GRB2: variants seen among roughly 807,000 people sequenced by gnomAD.
The protein encoded by GRB2 is growth factor receptor-bound protein 2.
A neutral mutation model predicts 27.4 loss-of-function variants in GRB2; 2 were observed. The ratio of observed to expected loss-of-function variants is 0.07; its 90% confidence interval spans 0.03 to 0.23. The LOEUF is 0.23. Among genes scored for constraint, GRB2 ranks in the 10% least tolerant of loss-of-function variants. The probability of loss-of-function intolerance (pLI) is 1.00; values close to 1 mark genes in which losing one functional copy is unlikely to be tolerated. For missense variants in GRB2, 102 were observed against 282.4 expected (o/e 0.36, Z 4.58); for synonymous variants, 94 against 99.6 (o/e 0.94, Z 0.33).
chr17:75,357,293 T>C (rs1427579329), intron 2 of GRB2, among the ~76,000 whole-genome samples: 1 of 152,204 alleles, frequency 6.6e-6, no homozygotes, highest in East Asian at 1.9e-4. Flanking sequence ...AGGTATAATG[T>C]GGTGTCCTGG....
At position 75,325,960 on chromosome 17, in the gene GRB2, G is replaced by A. The variant is rs2229610; in HGVS notation, c.237C>T (p.His79=). The A allele has an allele frequency of 1.9e-3, 3,100 of 1,614,012 alleles. 56 individuals are homozygous for A. The African/African-American group carries it at 0.034, about 18-fold the overall frequency. ...TCTCTCGGATAAGAAAGGCCCCATC[G>A]TGCCGCTGTTTGCTAAGCATTTCTT... ...KAEEMLSKQR[H]DGAFLIRESE... is the part of the protein sequence containing the mutation. The change falls in exon 4 of 6, where the codon CAC becomes CAT. Residue 79 remains histidine, a synonymous_variant. Coordinates refer to ENST00000316804, the MANE Select transcript of GRB2 (RefSeq NM_002086.5).
intron 2 of GRB2, among the ~76,000 whole-genome samples, chr17:75,346,579 T>C (rs1292368891): frequency 0.011 from 136 of 12,112 alleles, no homozygotes; most frequent in Non-Finnish European, 0.021. Context: ...TTTTCTTGCC[T>C]TTTTTTTTTT....
intron 2 of GRB2, among the ~76,000 whole-genome samples, chr17:75,374,713 G>A (rs184882043): frequency 6.6e-6 from 1 of 152,060 alleles, no homozygotes; most frequent in East Asian, 1.9e-4. Context: ...CTGGAGCCCA[G>A]GAGATTGAGG....
chr17:75,369,855 C>A (rs375192190), intron 2 of GRB2, among the ~76,000 whole-genome samples: 67 of 144,656 alleles, frequency 4.6e-4, no homozygotes, highest in Admixed American at 6.2e-4. Flanking sequence ...GACTCCGTCT[C>A]AAAAAAAAAA....
chr17:75,379,914 T>C (rs1015913349), intron 2 of GRB2, among the ~76,000 whole-genome samples: 3 of 152,228 alleles, frequency 2.0e-5, no homozygotes, highest in African/African-American at 7.2e-5. Flanking sequence ...TTTAATGCAG[T>C]GTGGAGACTG....
At chr17:75,381,344 G>A (rs2078926239) in intron 2 of GRB2, among the ~76,000 whole-genome samples, 1 of 152,098 alleles carries the variant, frequency 6.6e-6, no homozygotes, top group Non-Finnish European at 1.5e-5. Context: ...TAATTTAAAT[G>A]TTACAGTGAA....
intron 1 of GRB2, among the ~76,000 whole-genome samples, chr17:75,403,550 A>G (rs529483792): frequency 2.2e-4 from 34 of 152,038 alleles, no homozygotes; most frequent in Admixed American, 1.8e-3. Flanking sequence ...AGATCACTTG[A>G]GGTCAGGAAT....
At chr17:75,350,046 C>CAAAA (rs397934291) in intron 2 of GRB2, among the ~76,000 whole-genome samples, 1 of 144,182 alleles carries the variant, frequency 6.9e-6, no homozygotes. Flanking sequence ...ATAAAACAAC[C>CAAAA]AAAAAAAAAA....
At position 75,321,774 on chromosome 17, in the gene GRB2, T is replaced by A. The variant is rs1287646174; in HGVS notation, c.353A>T (p.Tyr118Phe). The A allele has an allele frequency of 6.2e-7, 1 of 1,614,148 alleles. No homozygotes were observed. The highest frequency in any genetic ancestry group is 1.7e-5 in the Admixed American group (1 of 60,022). The change falls in exon 5 of 6, where the codon TAC (tyrosine) becomes TTC (phenylalanine). Residue 118 changes from tyrosine (Y) to phenylalanine (F), a missense_variant. Around this residue, in one of 3 missense-constraint regions of GRB2, gnomAD observed 57 missense variants for 152.9 expected, o/e 0.37. Coordinates refer to ENST00000316804, the MANE Select transcript of GRB2 (RefSeq NM_002086.5). ...FKVLRDGAGKYFLWVVKFNSL... is the reference protein window; with the variant it reads ...FKVLRDGAGKFFLWVVKFNSL... ...ATTGAACTTCACCACCCAGAGGAAG[T>A]ACTTCCCGGCTCCATCTCGGAGCAC...
At chr17:75,359,342 CA>C (rs1417608978) in intron 2 of GRB2, among the ~76,000 whole-genome samples, 2 of 150,474 alleles carry the variant, frequency 1.3e-5, no homozygotes, top group Non-Finnish European at 3.0e-5. Flanking sequence ...CCCATGTCTA[CA>C]AAAAATACAA....
At chr17:75,346,798 T>C (rs1452344169) in intron 2 of GRB2, among the ~76,000 whole-genome samples, 1 of 151,968 alleles carries the variant, frequency 6.6e-6, no homozygotes, top group African/African-American at 2.4e-5. Context: ...CTCAAACTCC[T>C]AACCTCAAGT....
chr17:75,400,313 A>G lies in GRB2; in HGVS notation c.-138+5176T>C, dbSNP rs112054334. Among the ~76,000 whole-genome samples, 597 of 150,392 alleles carry G rather than the reference A, an allele frequency of 4.0e-3. 8 individuals carry two copies. Among genetic ancestry groups the G allele is most frequent in the African/African-American group, 0.014 (575 of 40,786 alleles). Reference sequence around the variant, plus strand: ...CTCAGCCTCCCAAGTAACTGGGACTATAGGCGTGCACCACCATGCCTGGCT... The same window carrying G: ...CTCAGCCTCCCAAGTAACTGGGACTGTAGGCGTGCACCACCATGCCTGGCT... On this transcript the variant is annotated intron_variant, in intron 1 of 5. Transcript: ENST00000316804.
intron 2 of GRB2, chr17:75,338,919 T>C: frequency 1.1e-6 from 1 of 942,710 alleles, no homozygotes; most frequent in South Asian, 1.3e-5. Context: ...AGGGAAAGGA[T>C]TCTCTGTATG....
intron 4 of GRB2, among the ~76,000 whole-genome samples, chr17:75,322,353 C>G (rs899614218): frequency 7.0e-5 from 9 of 128,690 alleles, no homozygotes; most frequent in African/African-American, 2.6e-4. Flanking sequence ...ACCTGGGTAA[C>G]AAGAGTGAAA....
At chr17:75,399,937 T>C (rs983526447) in intron 1 of GRB2, among the ~76,000 whole-genome samples, 2 of 152,110 alleles carry the variant, frequency 1.3e-5, no homozygotes, top group African/African-American at 4.8e-5. Context: ...CCCAAAGTGC[T>C]GGGATTACAG....
intron 1 of GRB2, chr17:75,394,245 C>G (rs2079016954): frequency 6.5e-6 from 1 of 153,022 alleles, no homozygotes; most frequent in African/African-American, 2.4e-5. Flanking sequence ...CCCTACTGCA[C>G]AGTCAAGAGC....
intron 2 of GRB2, among the ~76,000 whole-genome samples, chr17:75,391,907 T>C (rs2079001398): frequency 6.6e-6 from 1 of 152,114 alleles, no homozygotes; most frequent in South Asian, 2.1e-4. Context: ...GGGACAGATT[T>C]AGAGAAAAAT....
At chr17:75,370,031 C>T (rs2078845774) in intron 2 of GRB2, among the ~76,000 whole-genome samples, 1 of 152,190 alleles carries the variant, frequency 6.6e-6, no homozygotes, top group Non-Finnish European at 1.5e-5. Context: ...GAGACAGGGA[C>T]ACTCAATGAA....
chr17:75,394,448 C>T (rs1449143003), intron 1 of GRB2: 1 of 152,186 alleles, frequency 6.6e-6, no homozygotes, highest in Non-Finnish European at 1.5e-5. Context: ...AGAGAAAGAT[C>T]ACAGCTCCAA....
Sources: gnomAD v4.1 joint callset for allele counts (sites outside exome capture counted in the v4.1 genomes callset) on GRCh38, gnomAD v4.1.1 for gene constraint, gnomAD v4.1.1 regional missense constraint, MANE v1.5 for transcripts, NCBI Gene and HGNC (gene_info 2026-07-23, HGNC 2026-07-21) for gene names.